CACNA2D3: variants seen among roughly 807,000 people sequenced by gnomAD.
CACNA2D3 encodes the protein calcium voltage-gated channel auxiliary subunit alpha2delta 3.
Under a neutral mutation model 160.6 loss-of-function variants are expected in CACNA2D3, and 60 were observed. The observed-to-expected ratio is 0.37, with a 90% CI of 0.30 to 0.46. CACNA2D3 has a LOEUF of 0.46. CACNA2D3 is among the 20% of genes least tolerant of loss of function. The pLI is 1.00. For synonymous variants in CACNA2D3, 558 were observed against 492.9 expected (o/e 1.13, Z -1.75); for missense variants, 1,205 against 1,365.0 (o/e 0.88, Z 1.85).
intron 5 of CACNA2D3, among the ~76,000 whole-genome samples, chr3:54,547,554 C>T (rs942405805): frequency 2.0e-5 from 3 of 151,902 alleles, no homozygotes; most frequent in East Asian, 1.9e-4. Flanking sequence ...CCCTTTGTTA[C>T]GTGGCCACAT....
At chr3:54,854,299 TC>T (rs1699121134) in intron 17 of CACNA2D3, among the ~76,000 whole-genome samples, 1 of 152,190 alleles carries the variant, frequency 6.6e-6, no homozygotes, top group South Asian at 2.1e-4. Flanking sequence ...TGTGCTTTCT[TC>T]CTGACGGAAT....
chr3:54,827,039 T>G (rs1703763733), intron 14 of CACNA2D3, among the ~76,000 whole-genome samples: 1 of 152,188 alleles, frequency 6.6e-6, no homozygotes, highest in South Asian at 2.1e-4. Flanking sequence ...ATGATTTGCT[T>G]GATTGCAACC....
chr3:54,910,308 T>A (rs1030384723), intron 27 of CACNA2D3, among the ~76,000 whole-genome samples: 1 of 152,132 alleles, frequency 6.6e-6, no homozygotes, highest in Admixed American at 6.5e-5. Flanking sequence ...TCAAAAGTAT[T>A]CTGTTACATT....
Position 54,879,372 on chromosome 3 carries a change from A to T in CACNA2D3, c.1805A>T (p.Asn602Ile), listed in dbSNP as rs1271895999. The part of the protein sequence containing the change: ...DKGKRVLVMT[N>I]DYYYTDIKGT... ...TAGAAACGGGTTTTGGTGATGACAA[A>T]TGACTACTATTATACAGACATCAAG... Residue 602 changes from asparagine (N) to isoleucine (I), a missense_variant, in exon 20 of 38, where the codon AAT becomes ATT. Coordinates refer to ENST00000474759, the MANE Select transcript of CACNA2D3 (RefSeq NM_018398.3). The T allele has an allele frequency of 6.2e-7, 1 of 1,609,250 alleles. No homozygotes were observed. The highest frequency in any genetic ancestry group is 1.7e-5 in the Admixed American group (1 of 59,512).
intron 17 of CACNA2D3, among the ~76,000 whole-genome samples, chr3:54,850,885 G>A (rs937525389): frequency 7.2e-5 from 11 of 152,184 alleles, no homozygotes; most frequent in African/African-American, 2.2e-4. Context: ...CACATATGTG[G>A]GAGTGGATGA....
At chr3:54,612,628 G>A (rs1020594063) in intron 9 of CACNA2D3, among the ~76,000 whole-genome samples, 1 of 152,162 alleles carries the variant, frequency 6.6e-6, no homozygotes, top group East Asian at 1.9e-4. Context: ...TCAATTAGAG[G>A]TGAGTAGAGA....
At chr3:54,846,105 AAG>A (rs1698926118) in intron 16 of CACNA2D3, among the ~76,000 whole-genome samples, 1 of 152,150 alleles carries the variant, frequency 6.6e-6, no homozygotes, top group Non-Finnish European at 1.5e-5. Flanking sequence ...TTAAAAAAAA[AAG>A]GTAATTGTTT....
rs568639523 is a variant in CACNA2D3, at chr3:54,209,342, C to G, written c.204+85748C>G. Among the ~76,000 whole-genome samples the G allele has an allele frequency of 1.0e-3, 157 of 152,308 alleles. 1 individual carries two copies. The highest frequency in any genetic ancestry group is 3.4e-3 in the African/African-American group (143 of 41,566). The stretch of plus-strand genomic sequence containing the variant: ...AGTCAGTTGTCCAGCCAGCCTCACC[C>G]TCCTGGCCCTTTGTGTCTGACGATC... On this transcript the variant is annotated intron_variant, in intron 2 of 37. Transcript: ENST00000474759.
intron 13 of CACNA2D3, among the ~76,000 whole-genome samples, chr3:54,804,094 C>A (rs1226348355): frequency 1.3e-5 from 2 of 152,000 alleles, no homozygotes; most frequent in African/African-American, 2.4e-5. Flanking sequence ...CCAGCCACTG[C>A]AAAATCATGC....
At chr3:54,822,790 C>CCTTCCTTTCTTTCTTT (rs1703653063) in intron 14 of CACNA2D3, among the ~76,000 whole-genome samples, 1 of 71,912 alleles carries the variant, frequency 1.4e-5, no homozygotes, top group East Asian at 4.6e-4. Flanking sequence ...TTCTTTCTTT[C>CCTTCCTTTCTTTCTTT]CTTTCTTTCT....
intron 2 of CACNA2D3, among the ~76,000 whole-genome samples, chr3:54,285,099 G>A (rs1702978378): frequency 6.6e-6 from 1 of 152,210 alleles, no homozygotes; most frequent in African/African-American, 2.4e-5. Flanking sequence ...AGTGGGTGCA[G>A]CGCACCGTGC....
intron 3 of CACNA2D3, among the ~76,000 whole-genome samples, chr3:54,329,451 C>T (rs1420082816): frequency 2.6e-5 from 4 of 152,186 alleles, no homozygotes; most frequent in Non-Finnish European, 5.9e-5. Flanking sequence ...AGTATTAGAG[C>T]TCAACTGCAA....
chr3:54,270,380 G>A (rs960133677), intron 2 of CACNA2D3, among the ~76,000 whole-genome samples: 7 of 152,260 alleles, frequency 4.6e-5, no homozygotes, highest in Admixed American at 3.3e-4. Flanking sequence ...CCTGCTTTAC[G>A]CATTTGCTTG....
At chr3:54,150,683 A>G (rs1386798130) in intron 2 of CACNA2D3, among the ~76,000 whole-genome samples, 1 of 152,256 alleles carries the variant, frequency 6.6e-6, no homozygotes, top group Non-Finnish European at 1.5e-5. Flanking sequence ...TTACCCTGGA[A>G]GAGGCGTAAG....
intron 11 of CACNA2D3, among the ~76,000 whole-genome samples, chr3:54,748,570 CTT>C (rs565685433): frequency 1.6e-4 from 23 of 145,982 alleles, no homozygotes; most frequent in African/African-American, 5.7e-4. Context: ...CTGATGCAGA[CTT>C]TTTTTTTTTT....
chr3:54,246,634 T>A (rs1575341506), intron 2 of CACNA2D3, among the ~76,000 whole-genome samples: 1 of 151,004 alleles, frequency 6.6e-6, no homozygotes, highest in Non-Finnish European at 1.5e-5. Context: ...TGAGGCAGGA[T>A]AATCACTTGA....
chr3:54,807,278 T>C (rs1190220238), intron 13 of CACNA2D3, among the ~76,000 whole-genome samples: 1 of 152,088 alleles, frequency 6.6e-6, no homozygotes. Flanking sequence ...ACCTACAAAA[T>C]GGGAGAAAAT....
rs534868774 is a variant in CACNA2D3, at chr3:54,662,430, G to A, written c.1167+20189G>A. ...TCCTAATAGATTAAATACTGTGCAT[G>A]GCATTCAGTCCAGCAGGTTTAGGCA... On this transcript the variant is annotated intron_variant, in intron 11 of 37. Transcript: ENST00000474759. Among the ~76,000 whole-genome samples, 4 of 152,244 alleles carry A rather than the reference G, an allele frequency of 2.6e-5. No homozygotes were observed. The South Asian group carries it at 8.3e-4, about 32-fold the overall frequency.
intron 4 of CACNA2D3, among the ~76,000 whole-genome samples, chr3:54,474,216 C>A (rs893818261): frequency 7.2e-5 from 11 of 152,136 alleles, no homozygotes; most frequent in African/African-American, 2.7e-4. Flanking sequence ...TACTATGCAG[C>A]CATTAAAAAG....
Sources: allele counts gnomAD v4.1 joint callset (sites outside exome capture counted in the v4.1 genomes callset), GRCh38; gene constraint gnomAD v4.1.1; transcripts MANE v1.5; gene names NCBI Gene and HGNC (gene_info 2026-07-23, HGNC 2026-07-21).